PTPRJ: variants seen among roughly 807,000 people sequenced by gnomAD.
PTPRJ encodes the protein receptor-type tyrosine-protein phosphatase eta.
A neutral mutation model predicts 141.3 loss-of-function variants in PTPRJ; 129 were observed. That is an observed-to-expected ratio of 0.91 (90% confidence interval 0.79 to 1.06). PTPRJ has a LOEUF of 1.06. Ranked by LOEUF, PTPRJ falls within the 50% of genes least tolerant of loss-of-function variation. The pLI is 0.00. For synonymous variants in PTPRJ, 610 were observed against 640.5 expected (o/e 0.95, Z 0.72); for missense variants, 1,601 against 1,679.7 (o/e 0.95, Z 0.82).
chr11:48,144,611 T>G, intron 12 of PTPRJ, 64 bp from the exon 13 acceptor site: 1 of 1,285,222 alleles, frequency 7.8e-7, no homozygotes, highest in Non-Finnish European at 1.1e-6. Flanking sequence ...CATGTAGATA[T>G]GCAGGAGAAG....
At position 47,980,681 on chromosome 11, in the gene PTPRJ, G is replaced by C. The variant is rs1257461420; in HGVS notation, c.-232G>C. ...CCCGCGAAGCCCCTGCGCGCTCAGG[G>C]ACGCGGCCCCCCCGCGGCAGCCGCG... On this transcript the variant is annotated 5_prime_UTR_variant, in exon 1 of 25. Coordinates refer to ENST00000418331, the MANE Select transcript of PTPRJ (RefSeq NM_002843.4). 2.0e-6 allele frequency: 2 copies of C among 988,828 alleles called. No homozygotes were observed. Among genetic ancestry groups the C allele is most frequent in the African/African-American group, 3.5e-5 (2 of 56,964 alleles). The allele number at this position is 988,828 out of a possible 1,614,324, so 61.3% of individuals were successfully genotyped here.
intron 4 of PTPRJ, among the ~76,000 whole-genome samples, chr11:48,123,056 A>G (rs1856744642): frequency 2.0e-5 from 3 of 152,358 alleles, no homozygotes; most frequent in Admixed American, 1.3e-4. Flanking sequence ...ACCATCAACC[A>G]AATAACGCGA....
chr11:48,152,550 AGGTTTTCTTCTAG>A (rs1857510264), intron 18 of PTPRJ, among the ~76,000 whole-genome samples: 1 of 152,176 alleles, frequency 6.6e-6, no homozygotes, highest in Non-Finnish European at 1.5e-5. Flanking sequence ...AGTATTGCCT[AGGTTTTCTTCTAG>A]GGTTTTTATG....
chr11:48,130,388 T>C, intron 7 of PTPRJ, 71 bp from the exon 8 acceptor site: 2 of 1,449,236 alleles, frequency 1.4e-6, no homozygotes, highest in East Asian at 2.3e-5. Flanking sequence ...TCTCAGTATT[T>C]TCTGAGGTGG....
chr11:48,136,406 A>C, intron 9 of PTPRJ, 110 bp downstream of exon 9: 1 of 1,345,938 alleles, frequency 7.4e-7, no homozygotes, highest in African/African-American at 1.4e-5. Context: ...TTGACTCTGA[A>C]ACTGCTGAAG....
In PTPRJ at chr11:48,065,403, C is replaced by T. The variant is rs546913439; in HGVS notation, c.97-44655C>T. On this transcript the variant is annotated intron_variant, in intron 1 of 24. Coordinates refer to ENST00000418331, the MANE Select transcript of PTPRJ (RefSeq NM_002843.4). ...CGGTGGCTCTCCCAGGACCCCATGC[C>T]GAAATCTGCCTTCTTCTTGTCTTCA... 3.3e-5 allele frequency among the ~76,000 whole-genome samples: 5 copies of T among 152,078 alleles called. No individual in the cohort carries two copies. In the South Asian group the frequency reaches 6.2e-4, roughly 19 times the overall value.
Position 48,163,685 on chromosome 11 carries a change from A to G in PTPRJ, c.3719+67A>G, listed in dbSNP as rs1857842203. Reference sequence around the variant, plus strand: ...ATTATATATTTATGAGCACTTTACAAAAGCAAAGCCTAAGAGGGAATGTAA... The same window carrying G: ...ATTATATATTTATGAGCACTTTACAGAAGCAAAGCCTAAGAGGGAATGTAA... On this transcript the variant is annotated intron_variant, in intron 23 of 24. Coordinates refer to ENST00000418331, the MANE Select transcript of PTPRJ (RefSeq NM_002843.4). 1.1e-5 allele frequency: 16 copies of G among 1,501,058 alleles called. 1 individual carries two copies. In the South Asian group the frequency reaches 1.9e-4, roughly 17 times the overall value. 93.0% of individuals were successfully genotyped at this position (1,501,058 alleles called of 1,614,324 possible). A position where few individuals can be genotyped will look rare whatever the true frequency, so the allele number is the denominator to read the frequency against.
At chr11:48,137,406 C>T (rs879670117) in intron 10 of PTPRJ, 125 bp downstream of exon 10, 11 of 1,033,306 alleles carry the variant, frequency 1.1e-5, no homozygotes, top group South Asian at 3.2e-5. Context: ...TTGAGCTTTC[C>T]GAGGCATCCT....
chr11:48,051,343 C>T (rs1390194132), intron 1 of PTPRJ, among the ~76,000 whole-genome samples: 1 of 152,144 alleles, frequency 6.6e-6, no homozygotes, highest in Non-Finnish European at 1.5e-5. Context: ...GATCTGCTCA[C>T]CTCGGCCTGC....
intron 1 of PTPRJ, among the ~76,000 whole-genome samples, chr11:48,022,495 G>T: frequency 6.6e-6 from 1 of 151,890 alleles, no homozygotes; most frequent in Non-Finnish European, 1.5e-5. Flanking sequence ...AGATGATGAA[G>T]ATGCAGCGTG....
rs1204578034 is a variant in PTPRJ at position 48,168,580 on chromosome 11, A to G, written c.*1218A>G. On this transcript the variant is annotated 3_prime_UTR_variant, in exon 25 of 25. Transcript: ENST00000418331. ...TATATATATATATATATATATATAT[A>G]TACACTAAGCTCTCAAAAACAGTCA... The G allele has an allele frequency of 6.0e-4, 74 of 123,684 alleles. 1 individual carries two copies. Among genetic ancestry groups the G allele is most frequent in the Non-Finnish European group, 9.9e-4 (58 of 58,328 alleles). 7.7% of individuals were successfully genotyped at this position (123,684 alleles called of 1,614,324 possible). A position where few individuals can be genotyped will look rare whatever the true frequency, so the allele number is the denominator to read the frequency against.
Position 48,044,506 on chromosome 11 carries a change from C to T in PTPRJ, c.96+63498C>T, listed in dbSNP as rs143406245. Among the ~76,000 whole-genome samples, 26 of 152,206 alleles carry T rather than the reference C, an allele frequency of 1.7e-4. No homozygotes were observed. In the East Asian group the frequency reaches 3.3e-3, roughly 19 times the overall value. ...TGGTTGGCTGGCTAGCGAGGTTGGG[C>T]GAGGGAATAACTCATTTGCTTAACT... On this transcript the variant is annotated intron_variant, in intron 1 of 24. Transcript: ENST00000418331.
chr11:48,052,969 G>T (rs992113944), intron 1 of PTPRJ, among the ~76,000 whole-genome samples: 1 of 150,294 alleles, frequency 6.7e-6, no homozygotes, highest in Non-Finnish European at 1.5e-5. Context: ...GGAGTTGGAG[G>T]GGTCATGTCC....
intron 3 of PTPRJ, among the ~76,000 whole-genome samples, chr11:48,117,726 A>AG (rs1228929000): frequency 6.6e-6 from 1 of 152,050 alleles, no homozygotes; most frequent in Non-Finnish European, 1.5e-5. Context: ...AAAATAATAA[A>AG]GGTCAAAGCT....
intron 1 of PTPRJ, among the ~76,000 whole-genome samples, chr11:48,049,492 A>G (rs1365443359): frequency 6.6e-6 from 1 of 151,634 alleles, no homozygotes; most frequent in Non-Finnish European, 1.5e-5. Flanking sequence ...AGCCTGGCCA[A>G]TGCGGTGAAA....
chr11:48,041,743 G>A (rs140496589), intron 1 of PTPRJ, among the ~76,000 whole-genome samples: 59 of 152,138 alleles, frequency 3.9e-4, no homozygotes, highest in African/African-American at 1.3e-3. Flanking sequence ...TCCCACCTTA[G>A]CCTCCTGAGT....
chr11:48,083,949 G>T (rs1420302099), intron 1 of PTPRJ, among the ~76,000 whole-genome samples: 2 of 152,128 alleles, frequency 1.3e-5, no homozygotes, highest in Admixed American at 6.5e-5. Context: ...CCTCATGTAT[G>T]CAAATCTCAG....
chr11:48,050,124 C>T (rs1396164506), intron 1 of PTPRJ, among the ~76,000 whole-genome samples: 1 of 152,156 alleles, frequency 6.6e-6, no homozygotes, highest in African/African-American at 2.4e-5. Context: ...GTAGCCTCTT[C>T]AGTCAGATGG....
intron 1 of PTPRJ, among the ~76,000 whole-genome samples, chr11:48,100,477 A>G (rs1168825106): frequency 6.6e-6 from 1 of 152,220 alleles, no homozygotes; most frequent in Non-Finnish European, 1.5e-5. Flanking sequence ...CAACAGTCTT[A>G]TGAGGTAAAT....
Sources: gnomAD v4.1 joint callset for allele counts (sites outside exome capture counted in the v4.1 genomes callset) on GRCh38, gnomAD v4.1.1 for gene constraint, MANE v1.5 for transcripts, NCBI Gene and HGNC (gene_info 2026-07-23, HGNC 2026-07-21) for gene names.